LHFPL4: variants seen among roughly 807,000 people sequenced by gnomAD.
LHFPL4 encodes the protein LHFPL tetraspan subfamily member 4 protein.
In LHFPL4, 6 loss-of-function variants were observed where a neutral mutation model predicts 20.0. The ratio of observed to expected loss-of-function variants is 0.30; its 90% CI spans 0.16 to 0.59. The LOEUF (loss-of-function observed/expected upper bound fraction) is 0.59, where lower values mean the gene tolerates loss of function less well. Ranked by LOEUF, LHFPL4 falls within the 20% of genes least tolerant of loss-of-function variation. The probability of loss-of-function intolerance (pLI) is 0.88; values close to 1 mark genes in which losing one functional copy is unlikely to be tolerated. For missense variants in LHFPL4, 215 were observed against 331.2 expected, an observed-to-expected ratio of 0.65 and a Z score of 2.72; for synonymous variants, 129 against 143.8, an observed-to-expected ratio of 0.90 and a Z score of 0.74.
At position 9,501,964 on chromosome 3, in the gene LHFPL4, T is replaced by G; in HGVS notation, c.*247A>C. 2 of 548,594 alleles carry G rather than the reference T, an allele frequency of 3.6e-6. No homozygotes were observed. Among genetic ancestry groups the G allele is most frequent in the Non-Finnish European group, 6.6e-6 (2 of 304,002 alleles). The allele number at this position is 548,594 out of a possible 1,614,324, so 34.0% of individuals were successfully genotyped here. Reference sequence around the variant, plus strand: ...GGAGAAGCCCAAGGGCCTACGCAGATGCAGGCTCCCTTAGGTCAAATTGAG... The same window carrying G: ...GGAGAAGCCCAAGGGCCTACGCAGAGGCAGGCTCCCTTAGGTCAAATTGAG... On this transcript the variant is annotated 3_prime_UTR_variant, in exon 4 of 4. Coordinates refer to ENST00000287585, the MANE Select transcript of LHFPL4 (RefSeq NM_198560.3).
intron 2 of LHFPL4, among the ~76,000 whole-genome samples, chr3:9,539,455 A>AAC (rs2046464015): frequency 3.1e-5 from 1 of 32,438 alleles, no homozygotes; most frequent in African/African-American, 1.6e-4. Context: ...ACTTCGTCTC[A>AAC]AAAAAAAAAA....
At chr3:9,536,386 A>G (rs2046444508) in intron 2 of LHFPL4, among the ~76,000 whole-genome samples, 1 of 152,146 alleles carries the variant, frequency 6.6e-6, no homozygotes, top group Admixed American at 6.5e-5. Context: ...TGTCCCATCC[A>G]ACAACCTAGA....
intron 2 of LHFPL4, among the ~76,000 whole-genome samples, chr3:9,509,930 C>T (rs1222507469): frequency 6.6e-6 from 1 of 152,172 alleles, no homozygotes; most frequent in East Asian, 1.9e-4. Context: ...CTTTTGTGCT[C>T]CAAGCTCGAG....
At chr3:9,534,663 A>G (rs1261075685) in intron 2 of LHFPL4, among the ~76,000 whole-genome samples, 1 of 152,176 alleles carries the variant, frequency 6.6e-6, no homozygotes, top group Non-Finnish European at 1.5e-5. Flanking sequence ...ACCGACAGAA[A>G]CCATAAAGTG....
chr3:9,513,111 C>T (rs564405244), intron 2 of LHFPL4, among the ~76,000 whole-genome samples: 22 of 152,134 alleles, frequency 1.4e-4, no homozygotes, highest in Non-Finnish European at 3.2e-4. Context: ...AGGCGCCCGC[C>T]ACTACTCCCG....
rs2046565671 is a variant in LHFPL4, at chr3:9,552,852, G to A, written c.-168-5C>T. The A allele has an allele frequency of 3.1e-5, 6 of 191,176 alleles. No individual in the cohort carries two copies. In the South Asian group the frequency reaches 7.7e-4, roughly 24 times the overall value. The allele number at this position is 191,176 out of a possible 1,614,324, so 11.8% of individuals were successfully genotyped here. On this transcript the variant is annotated splice_region_variant and splice_polypyrimidine_tract_variant and intron_variant, in intron 1 of 3. Coordinates refer to ENST00000287585, the MANE Select transcript of LHFPL4 (RefSeq NM_198560.3). Reference sequence around the variant, plus strand: ...GCTGGGGGCGTCTGGGAGCTGCTAAGGGAGAGAGGAAGGGGTCATGAGAGT... The same window carrying A: ...GCTGGGGGCGTCTGGGAGCTGCTAAAGGAGAGAGGAAGGGGTCATGAGAGT...
rs2046150219 is a variant in LHFPL4 at position 9,498,843 on chromosome 3, C to G, written c.*3368G>C. 1 of 152,678 alleles carries G rather than the reference C, an allele frequency of 6.5e-6. No individual in the cohort carries two copies. Among genetic ancestry groups the G allele is most frequent in the Non-Finnish European group, 1.5e-5 (1 of 68,066 alleles). The allele number at this position is 152,678 out of a possible 1,614,324, so 9.5% of individuals were successfully genotyped here. On this transcript the variant is annotated 3_prime_UTR_variant, in exon 4 of 4. Coordinates refer to ENST00000287585, the MANE Select transcript of LHFPL4 (RefSeq NM_198560.3). ...GTTCTCATCATCTTGGCTATCAGGC[C>G]TGAAAAGGATCTTGATTCTTTGGTC...
At chr3:9,543,276 C>A (rs1468243226) in intron 2 of LHFPL4, among the ~76,000 whole-genome samples, 1 of 151,788 alleles carries the variant, frequency 6.6e-6, no homozygotes, top group Non-Finnish European at 1.5e-5. Flanking sequence ...CCGAGGTGGG[C>A]GGATCACGAG....
At chr3:9,504,284 A>C (rs2046200392) in intron 3 of LHFPL4, among the ~76,000 whole-genome samples, 1 of 151,680 alleles carries the variant, frequency 6.6e-6, no homozygotes, top group African/African-American at 2.4e-5. Context: ...AGGCTGAGGC[A>C]CGAGGATTAC....
intron 3 of LHFPL4, among the ~76,000 whole-genome samples, chr3:9,502,512 A>AG (rs2046184216): frequency 2.6e-5 from 4 of 152,060 alleles, no homozygotes; most frequent in Non-Finnish European, 4.4e-5. Flanking sequence ...GACCAGCCTG[A>AG]TCAACATGGC....
chr3:9,539,498 G>A (rs902569539), intron 2 of LHFPL4, among the ~76,000 whole-genome samples: 1 of 148,466 alleles, frequency 6.7e-6, no homozygotes, highest in African/African-American at 2.5e-5. Context: ...TTGTCCTCCT[G>A]ATACCTCCAA....
intron 2 of LHFPL4, among the ~76,000 whole-genome samples, chr3:9,529,647 T>A (rs189947326): frequency 1.2e-4 from 19 of 152,224 alleles, no homozygotes; most frequent in Non-Finnish European, 1.8e-4. Context: ...TTATTTATTT[T>A]TTTTTGAGAT....
At chr3:9,515,177 T>C (rs371853590) in intron 2 of LHFPL4, among the ~76,000 whole-genome samples, 6 of 152,364 alleles carry the variant, frequency 3.9e-5, no homozygotes, top group African/African-American at 1.4e-4. Context: ...GTCAGTGTTC[T>C]GGATGTTGGC....
At chr3:9,511,841 G>A (rs1186468319) in intron 2 of LHFPL4, among the ~76,000 whole-genome samples, 2 of 152,080 alleles carry the variant, frequency 1.3e-5, no homozygotes, top group African/African-American at 2.4e-5. Context: ...ACTGGCTGCC[G>A]GATGCATCTT....
chr3:9,539,020 A>G (rs1195468141), intron 2 of LHFPL4, among the ~76,000 whole-genome samples: 2 of 152,132 alleles, frequency 1.3e-5, no homozygotes, highest in African/African-American at 2.4e-5. Flanking sequence ...TTTTCTGACC[A>G]CTAAACTGTG....
chr3:9,542,665 C>T (rs1460284550), intron 2 of LHFPL4, among the ~76,000 whole-genome samples: 1 of 151,734 alleles, frequency 6.6e-6, no homozygotes, highest in Non-Finnish European at 1.5e-5. Context: ...AAAAATTAGC[C>T]GGGCATGGTG....
At chr3:9,520,632 C>A (rs2046331772) in intron 2 of LHFPL4, among the ~76,000 whole-genome samples, 1 of 152,098 alleles carries the variant, frequency 6.6e-6, no homozygotes. Context: ...GTGTGAGCCA[C>A]CCTGCCCGGC....
intron 3 of LHFPL4, among the ~76,000 whole-genome samples, chr3:9,504,348 AC>A (rs947377431): frequency 2.4e-4 from 36 of 146,986 alleles, no homozygotes; most frequent in Non-Finnish European, 5.1e-4. Context: ...ACTGCACTCC[AC>A]CCTGGGCAAC....
chr3:9,522,053 T>C (rs2046341080), intron 2 of LHFPL4, among the ~76,000 whole-genome samples: 1 of 152,066 alleles, frequency 6.6e-6, no homozygotes, highest in South Asian at 2.1e-4. Flanking sequence ...CTTAAAAAAA[T>C]TTTTAAGTAG....
Sources: allele counts gnomAD v4.1 joint callset (sites outside exome capture counted in the v4.1 genomes callset), GRCh38; gene constraint gnomAD v4.1.1; transcripts MANE v1.5; gene names NCBI Gene and HGNC (gene_info 2026-07-23, HGNC 2026-07-21).